TPO: variants seen among roughly 807,000 people sequenced by gnomAD.
TPO encodes thyroid peroxidase.
A neutral mutation model predicts 96.9 loss-of-function variants in TPO; 78 were observed. The observed-to-expected ratio is 0.81, with a 90% confidence interval of 0.67 to 0.97. TPO has a LOEUF of 0.97. Ranked by LOEUF, TPO falls within the 50% of genes least tolerant of loss-of-function variation. TPO has a pLI of 0.00. For missense variants in TPO, 1,252 were observed against 1,274.8 expected (o/e 0.98, Z 0.27); for synonymous variants, 547 against 538.0 (o/e 1.02, Z -0.23).
intron 15 of TPO, among the ~76,000 whole-genome samples, chr2:1,529,516 T>A (rs57139264): frequency 9.7e-6 from 1 of 103,038 alleles, no homozygotes; most frequent in East Asian, 3.3e-4. Flanking sequence ...TGTTGCAACC[T>A]CCCCAAATCC....
chr2:1,496,083 C>T lies in TPO; in HGVS notation c.2101C>T (p.Leu701Phe). 1.2e-6 allele frequency: 2 copies of T among 1,614,100 alleles called. No homozygotes were observed. The highest frequency in any genetic ancestry group is 1.1e-5 in the South Asian group (1 of 91,062). ...TCGGGTCATCTGTGACAACACTGGC[C>T]TCACCAGGGTGCCCATGGATGCCTT... ...LSRVICDNTGLTRVPMDAFQV... is the reference protein window; with the variant it reads ...LSRVICDNTGFTRVPMDAFQV... The change falls in exon 12 of 17, where the codon CTC becomes TTC. Residue 701 changes from leucine to phenylalanine, a missense_variant. By Grantham distance (22) the Leu-to-Phe change is conservative. Coordinates refer to ENST00000329066, the MANE Select transcript of TPO (RefSeq NM_001206744.2).
chr2:1,483,256 A>T (rs953071616), intron 8 of TPO, among the ~76,000 whole-genome samples: 7 of 152,188 alleles, frequency 4.6e-5, no homozygotes, highest in African/African-American at 1.7e-4. Flanking sequence ...GCTGAACCTG[A>T]GGCTCAGGCC....
chr2:1,507,837 C>A (rs1673643061), intron 14 of TPO, among the ~76,000 whole-genome samples: 1 of 152,072 alleles, frequency 6.6e-6, no homozygotes, highest in African/African-American at 2.4e-5. Flanking sequence ...CAAACAGGGA[C>A]AATTTGACTT....
rs982916512 is a variant in TPO at position 1,516,760 on chromosome 2, G to C, written c.2519-123G>C. 9.5e-6 allele frequency: 8 copies of C among 844,432 alleles called. No individual in the cohort carries two copies. In the African/African-American group the frequency reaches 1.2e-4, roughly 12 times the overall value. 52.3% of individuals were successfully genotyped at this position (844,432 alleles called of 1,614,324 possible). ...GGCAGATAAATGTCCCTCCCTCCCT[G>C]CGTCATGCTGTGGGGTGAAGGCCAC... is the stretch of plus-strand genomic sequence containing the variant. On this transcript the variant is annotated intron_variant, in intron 14 of 16. Transcript: ENST00000329066.
At chr2:1,507,199 T>C (rs1170622884) in intron 14 of TPO, among the ~76,000 whole-genome samples, 1 of 152,216 alleles carries the variant, frequency 6.6e-6, no homozygotes, top group African/African-American at 2.4e-5. Context: ...GTTGTAGATA[T>C]GTGGCATTAT....
At chr2:1,440,754 C>T (rs1666093383) in intron 5 of TPO, among the ~76,000 whole-genome samples, 1 of 151,138 alleles carries the variant, frequency 6.6e-6, no homozygotes. Flanking sequence ...CTAGTCAGTG[C>T]CGCAGGACGT....
At chr2:1,377,354 G>A (rs1023584684) in intron 1 of TPO, among the ~76,000 whole-genome samples, 12 of 152,190 alleles carry the variant, frequency 7.9e-5, no homozygotes, top group Non-Finnish European at 1.3e-4. Flanking sequence ...GGGAGCCATG[G>A]CCCTTTTGTG....
chr2:1,463,631 G>T (rs565484561), intron 7 of TPO, among the ~76,000 whole-genome samples: 1 of 152,284 alleles, frequency 6.6e-6, no homozygotes, highest in South Asian at 2.1e-4. Flanking sequence ...TCAGCCCAGG[G>T]AGCTGTGAGA....
intron 15 of TPO, 57 bp from the exon 16 acceptor site, chr2:1,540,537 C>CCTCCACA (rs1483600080): frequency 3.1e-6 from 5 of 1,606,534 alleles, no homozygotes; most frequent in Non-Finnish European, 4.2e-6. Context: ...TGCTCTCTAC[C>CCTCCACA]CTCCACAGTC....
intron 7 of TPO, 138 bp from the exon 8 acceptor site, chr2:1,476,948 C>A: frequency 8.7e-7 from 1 of 1,145,690 alleles, no homozygotes; most frequent in Non-Finnish European, 1.2e-6. Flanking sequence ...AGGGGACTGG[C>A]TGGACTGACC....
At chr2:1,467,605 T>A (rs1415992217) in intron 7 of TPO, among the ~76,000 whole-genome samples, 1 of 152,218 alleles carries the variant, frequency 6.6e-6, no homozygotes, top group South Asian at 2.1e-4. Flanking sequence ...TTGAGACCTA[T>A]CATATGGTCT....
chr2:1,509,530 C>T (rs1304922524), intron 14 of TPO, among the ~76,000 whole-genome samples: 2 of 150,146 alleles, frequency 1.3e-5, no homozygotes, highest in Non-Finnish European at 3.0e-5. Context: ...TTGTTTCAGG[C>T]ACAGGATACC....
chr2:1,382,809 T>A (rs1250933330), intron 1 of TPO, among the ~76,000 whole-genome samples: 1 of 152,054 alleles, frequency 6.6e-6, no homozygotes, highest in African/African-American at 2.4e-5. Context: ...ACATGTACCA[T>A]GTTGGTGTGC....
intron 15 of TPO, among the ~76,000 whole-genome samples, chr2:1,520,635 A>G (rs1039188904): frequency 1.2e-4 from 18 of 152,252 alleles, no homozygotes; most frequent in African/African-American, 3.9e-4. Context: ...TAACTCCATG[A>G]AACCAACTCC....
chr2:1,426,742 T>C (rs1232717332), intron 3 of TPO, among the ~76,000 whole-genome samples: 1 of 152,230 alleles, frequency 6.6e-6, no homozygotes, highest in African/African-American at 2.4e-5. Context: ...TCAGGAAACA[T>C]GATGGTTTGT....
At chr2:1,407,574 G>A (rs1662265883) in intron 1 of TPO, among the ~76,000 whole-genome samples, 1 of 152,154 alleles carries the variant, frequency 6.6e-6, no homozygotes, top group African/African-American at 2.4e-5. Flanking sequence ...CTCTTAGCAG[G>A]TTGTTAGGTG....
At chr2:1,432,811 AG>A (rs1200828912) in intron 3 of TPO, among the ~76,000 whole-genome samples, 4 of 107,146 alleles carry the variant, frequency 3.7e-5, no homozygotes, top group Non-Finnish European at 7.8e-5. Flanking sequence ...CCTGCAGGTG[AG>A]GAGAGGCCTG....
intron 10 of TPO, among the ~76,000 whole-genome samples, chr2:1,489,813 A>G (rs963864704): frequency 1.2e-4 from 18 of 152,244 alleles, no homozygotes; most frequent in African/African-American, 4.3e-4. Flanking sequence ...TTTTGGATGA[A>G]TCTCTTAATT....
At chr2:1,431,719 G>A (rs533451982) in intron 3 of TPO, among the ~76,000 whole-genome samples, 2 of 152,300 alleles carry the variant, frequency 1.3e-5, no homozygotes, top group East Asian at 3.9e-4. Context: ...GCTTAGCACA[G>A]CACCTAAAAC....
Sources: gnomAD v4.1 joint callset for allele counts (sites outside exome capture counted in the v4.1 genomes callset) on GRCh38, gnomAD v4.1.1 for gene constraint, MANE v1.5 for transcripts, NCBI Gene and HGNC (gene_info 2026-07-23, HGNC 2026-07-21) for gene names.